PFKP: variants seen among roughly 807,000 people sequenced by gnomAD.
PFKP encodes ATP-dependent 6-phosphofructokinase, platelet type.
Under a neutral mutation model 94.3 loss-of-function variants are expected in PFKP, and 101 were observed. The observed-to-expected ratio is 1.07, with a 90% confidence interval of 0.91 to 1.26. The LOEUF is 1.26. Among genes scored for constraint, PFKP ranks in the 50% most tolerant of loss-of-function variants. PFKP has a pLI of 0.00. For synonymous variants in PFKP, 573 were observed against 432.6 expected (o/e 1.32, Z -4.03); for missense variants, 1,145 against 1,103.3 (o/e 1.04, Z -0.53).
chr10:3,116,036 T>C (rs1203719324), intron 13 of PFKP, among the ~76,000 whole-genome samples: 1 of 152,156 alleles, frequency 6.6e-6, no homozygotes, highest in African/African-American at 2.4e-5. Flanking sequence ...TTGTGAAGAT[T>C]AATTGGCTTA....
At chr10:3,105,968 G>T (rs1364962413) in intron 7 of PFKP, among the ~76,000 whole-genome samples, 1 of 152,216 alleles carries the variant, frequency 6.6e-6, no homozygotes, top group African/African-American at 2.4e-5. Context: ...AAGGACGACG[G>T]GGACAGCAGC....
intron 2 of PFKP, among the ~76,000 whole-genome samples, chr10:3,087,293 A>G (rs867510564): frequency 6.6e-6 from 1 of 152,118 alleles, no homozygotes; most frequent in Non-Finnish European, 1.5e-5. Context: ...GGTAAAACCC[A>G]TATGTTCTCT....
chr10:3,072,205 A>G (rs947213502), intron 1 of PFKP, among the ~76,000 whole-genome samples: 1 of 152,260 alleles, frequency 6.6e-6, no homozygotes, highest in Non-Finnish European at 1.5e-5. Flanking sequence ...TCCTCAGGTC[A>G]ATATGTGTAA....
At chr10:3,102,329 C>A (rs1477254704) in intron 4 of PFKP, among the ~76,000 whole-genome samples, 1 of 150,490 alleles carries the variant, frequency 6.6e-6, no homozygotes, top group East Asian at 2.0e-4. Flanking sequence ...GCCAATACAT[C>A]ATCCAGTACC....
At chr10:3,108,872 C>T in intron 9 of PFKP, 79 bp downstream of exon 9, 1 of 1,049,466 alleles carries the variant, frequency 9.5e-7, no homozygotes, top group Admixed American at 1.7e-5. Flanking sequence ...ACCAGCCGGC[C>T]ACAGAGGCTG....
chr10:3,113,127 C>T lies in PFKP; in HGVS notation c.1163C>T (p.Ala388Val), dbSNP rs1350672515. The change falls in exon 12 of 22, where the codon GCG becomes GTG. Residue 388 changes from alanine (A) to valine (V), a missense_variant. Ala to Val is a moderately conservative substitution (Grantham distance 64, BLOSUM62 0). Around this residue, in one of 3 missense-constraint regions of PFKP, gnomAD observed 1,119 missense variants for 1,062.8 expected, o/e 1.05. Transcript: ENST00000381125. ...DAVRLRGRSF[A>V]GNLNTYKRLA... ...ACACCCTTTTCCTTTAGGAGCTTTG[C>T]GGGCAACCTGAACACCTACAAGCGA... The T allele has an allele frequency of 1.4e-5, 23 of 1,612,208 alleles. No individual in the cohort carries two copies. Among genetic ancestry groups the T allele is most frequent in the South Asian group, 6.6e-5 (6 of 90,730 alleles).
At chr10:3,111,397 A>G (rs1836221161) in intron 10 of PFKP, among the ~76,000 whole-genome samples, 1 of 152,134 alleles carries the variant, frequency 6.6e-6, no homozygotes, top group South Asian at 2.1e-4. Flanking sequence ...AGTAGGCTTA[A>G]AAGGCTCAGA....
intron 17 of PFKP, among the ~76,000 whole-genome samples, chr10:3,131,629 T>G (rs1838600959): frequency 6.6e-6 from 1 of 152,126 alleles, no homozygotes; most frequent in Admixed American, 6.5e-5. Flanking sequence ...GCTAATTTTT[T>G]GTATTTTTAG....
chr10:3,101,757 C>T (rs975756962), intron 4 of PFKP, among the ~76,000 whole-genome samples: 1 of 152,228 alleles, frequency 6.6e-6, no homozygotes, highest in African/African-American at 2.4e-5. Context: ...ATGTGCCAGG[C>T]ACCCTTCGAC....
Position 3,118,908 on chromosome 10 carries a change from G to A in PFKP, c.1530+39G>A, listed in dbSNP as rs185856787. 2.7e-6 allele frequency: 4 copies of A among 1,497,920 alleles called. No homozygotes were observed. The Admixed American group carries it at 5.1e-5, about 19-fold the overall frequency. 92.8% of individuals were successfully genotyped at this position (1,497,920 alleles called of 1,614,324 possible). A position where few individuals can be genotyped will look rare whatever the true frequency, so the allele number is the denominator to read the frequency against. On this transcript the variant is annotated intron_variant, in intron 15 of 21. Coordinates refer to ENST00000381125, the MANE Select transcript of PFKP (RefSeq NM_002627.5). The stretch of plus-strand genomic sequence containing the variant: ...TCTCTCTTGCCGGTCTTGCAGGTGT[G>A]AGCCGCGCCCTGTGTTGGCTAAACA...
chr10:3,083,510 G>A (rs899231225), intron 2 of PFKP, among the ~76,000 whole-genome samples: 3 of 152,090 alleles, frequency 2.0e-5, no homozygotes, highest in Non-Finnish European at 4.4e-5. Flanking sequence ...TCAGTATGAC[G>A]TATGTAAAAC....
Position 3,113,502 on chromosome 10 carries a change from G to C in PFKP, c.1355G>C (p.Gly452Ala). The C allele has an allele frequency of 6.2e-7, 1 of 1,612,930 alleles. No homozygotes were observed. Among genetic ancestry groups the C allele is most frequent in the South Asian group, 1.1e-5 (1 of 91,058 alleles). The change falls in exon 13 of 22, where the codon GGC becomes GCC. Residue 452 changes from glycine to alanine, a missense_variant. Physicochemically the swap from Gly to Ala is moderately conservative, Grantham distance 60 (BLOSUM62 0). Coordinates refer to ENST00000381125, the MANE Select transcript of PFKP (RefSeq NM_002627.5). ...CTCGCCATCTATGATGGCTTTGACG[G>C]CTTCGCCAAGGGCCAGGTGAGTCAC... The part of the protein sequence containing the change: ...RMLAIYDGFD[G>A]FAKGQIKEIG...
At chr10:3,113,593 C>T in intron 13 of PFKP, 75 bp downstream of exon 13, 2 of 1,256,852 alleles carry the variant, frequency 1.6e-6, no homozygotes, top group South Asian at 1.4e-5. Flanking sequence ...CGGGGGGGTG[C>T]CCTCCATGGC....
At chr10:3,069,404 G>T (rs769737147) in intron 1 of PFKP, 149 of 1,580,638 alleles carry the variant, frequency 9.4e-5, no homozygotes, top group Non-Finnish European at 1.0e-4. Context: ...GAATGGAGCC[G>T]CCTTGGGGTC....
chr10:3,134,412 A>C (rs965262226), intron 19 of PFKP, 71 bp from the exon 20 acceptor site: 1 of 882,074 alleles, frequency 1.1e-6, no homozygotes, highest in Non-Finnish European at 1.9e-6. Flanking sequence ...CAAAATAGAA[A>C]TTGTCATTTC....
intron 13 of PFKP, among the ~76,000 whole-genome samples, chr10:3,114,457 T>C (rs936801447): frequency 6.6e-6 from 1 of 152,132 alleles, no homozygotes; most frequent in Admixed American, 6.5e-5. Flanking sequence ...GCCTCCTACT[T>C]TGTGGAATTC....
At chr10:3,121,470 A>G (rs934132361) in intron 16 of PFKP, among the ~76,000 whole-genome samples, 5 of 151,958 alleles carry the variant, frequency 3.3e-5, no homozygotes, top group African/African-American at 9.7e-5. Flanking sequence ...TTTTTCCCTA[A>G]TTGTTACCTA....
chr10:3,113,224 C>A (rs763920062), intron 12 of PFKP, 36 bp downstream of exon 12: 2 of 1,598,648 alleles, frequency 1.3e-6, no homozygotes, highest in African/African-American at 2.7e-5. Context: ...CCCGACCTCT[C>A]CTGCGGGCCT....
At position 3,120,094 on chromosome 10, in the gene PFKP, G is replaced by C. The variant is rs199892292; in HGVS notation, c.1683+50G>C. 1.1e-4 allele frequency: 176 copies of C among 1,579,830 alleles called. No homozygotes were observed. The Middle Eastern group carries it at 1.9e-3, about 17-fold the overall frequency. On this transcript the variant is annotated intron_variant, in intron 16 of 21. Transcript: ENST00000381125. ...GCGGGCGCCGGCTGACGCTAACCCCGGGGCCCCGGCCCTTTTTATCTACCA... is the reference window on the plus strand; with the variant it reads ...GCGGGCGCCGGCTGACGCTAACCCCCGGGCCCCGGCCCTTTTTATCTACCA...
Sources: gnomAD v4.1 joint callset for allele counts (sites outside exome capture counted in the v4.1 genomes callset) on GRCh38, gnomAD v4.1.1 for gene constraint, gnomAD v4.1.1 regional missense constraint, MANE v1.5 for transcripts, NCBI Gene and HGNC (gene_info 2026-07-23, HGNC 2026-07-21) for gene names.